Variants in C9orf57 observed in about 807,000 individuals in gnomAD.
C9orf57 encodes the protein uncharacterized protein C9orf57.
In C9orf57, 12 loss-of-function variants were observed where a neutral mutation model predicts 12.9. The ratio of observed to expected loss-of-function variants is 0.93; its 90% confidence interval spans 0.60 to 1.51. The LOEUF (loss-of-function observed/expected upper bound fraction) is 1.51, where lower values mean the gene tolerates loss of function less well. Ranked by LOEUF, C9orf57 falls within the 40% of genes most tolerant of loss-of-function variation. C9orf57 has a pLI of 0.00. For missense variants in C9orf57, 141 were observed against 162.8 expected (o/e 0.87, Z 0.73); for synonymous variants, 49 against 57.1 (o/e 0.86, Z 0.64).
intron 4 of C9orf57, among the ~76,000 whole-genome samples, chr9:72,053,119 C>G (rs553104121): frequency 6.6e-6 from 1 of 151,978 alleles, no homozygotes; most frequent in Non-Finnish European, 1.5e-5. Flanking sequence ...CGGGTAATAC[C>G]CAGAGACATT....
intron 4 of C9orf57, among the ~76,000 whole-genome samples, chr9:72,054,393 A>G (rs1157472662): frequency 2.0e-5 from 3 of 152,262 alleles, no homozygotes; most frequent in Admixed American, 6.5e-5. Flanking sequence ...TGCAGTAGAT[A>G]CCAAGAAATA....
chr9:72,055,102 A>G (rs1824162590), intron 4 of C9orf57, among the ~76,000 whole-genome samples: 1 of 137,546 alleles, frequency 7.3e-6, no homozygotes, highest in Non-Finnish European at 1.7e-5. Context: ...ATTTTTATAT[A>G]TATATATTTT....
At position 72,052,279 on chromosome 9, in the gene C9orf57, A is replaced by G. The variant is rs1361194724; in HGVS notation, c.*17T>C. 3.9e-6 allele frequency: 6 copies of G among 1,551,010 alleles called. No individual in the cohort carries two copies. Among genetic ancestry groups the G allele is most frequent in the East Asian group, 2.4e-5 (1 of 40,926 alleles). On this transcript the variant is annotated 3_prime_UTR_variant, in exon 5 of 5. Transcript: ENST00000651200. ...GACTGATTGATCTGCCAAGCATTTT[A>G]GATATGGGCCACTGACTCAGAAATT...
intron 2 of C9orf57, among the ~76,000 whole-genome samples, chr9:72,058,789 C>G (rs1427552831): frequency 6.6e-6 from 1 of 152,180 alleles, no homozygotes; most frequent in African/African-American, 2.4e-5. Flanking sequence ...TTTCCCCAGG[C>G]TCAACCTCAT....
chr9:72,055,548 C>A (rs1030008064), intron 4 of C9orf57, among the ~76,000 whole-genome samples: 1 of 151,982 alleles, frequency 6.6e-6, no homozygotes, highest in Non-Finnish European at 1.5e-5. Flanking sequence ...CCTGGCCTCC[C>A]CGGTAGCTGG....
chr9:72,059,473 A>G (rs1824282971), intron 1 of C9orf57, 89 bp from the exon 2 acceptor site: 1 of 1,391,238 alleles, frequency 7.2e-7, no homozygotes, highest in East Asian at 2.5e-5. Flanking sequence ...TTAAGACAAT[A>G]TAAATAAGTT....
chr9:72,053,717 GA>G (rs1824129229), intron 4 of C9orf57, among the ~76,000 whole-genome samples: 1 of 152,166 alleles, frequency 6.6e-6, no homozygotes, highest in Admixed American at 6.5e-5. Context: ...GTGACCCCAT[GA>G]TTCTCATCCT....
At chr9:72,055,501 T>C (rs1589299998) in intron 4 of C9orf57, among the ~76,000 whole-genome samples, 1 of 151,632 alleles carries the variant, frequency 6.6e-6, no homozygotes, top group East Asian at 1.9e-4. Context: ...CACAGCTCAC[T>C]GTGGCCTCAA....
chr9:72,052,601 GA>G (rs1824102688), intron 4 of C9orf57, among the ~76,000 whole-genome samples, 166 bp from the exon 5 acceptor site: 1 of 152,106 alleles, frequency 6.6e-6, no homozygotes, highest in African/African-American at 2.4e-5. Flanking sequence ...TTACCTTTAA[GA>G]ACTCCCACTT....
At chr9:72,053,558 A>G (rs1296641765) in intron 4 of C9orf57, among the ~76,000 whole-genome samples, 1 of 151,994 alleles carries the variant, frequency 6.6e-6, no homozygotes, top group African/African-American at 2.4e-5. Flanking sequence ...CCAACATCTC[A>G]TGGGCCCAGG....
At chr9:72,052,988 T>C (rs918328515) in intron 4 of C9orf57, among the ~76,000 whole-genome samples, 1 of 152,080 alleles carries the variant, frequency 6.6e-6, no homozygotes, top group Non-Finnish European at 1.5e-5. Context: ...CCAGTTTCAG[T>C]TGTAGGTAGG....
At chr9:72,059,201 T>C in intron 2 of C9orf57, 34 bp downstream of exon 2, 1 of 1,550,382 alleles carries the variant, frequency 6.5e-7, no homozygotes, top group Non-Finnish European at 8.7e-7. Context: ...AATAATTTTC[T>C]ATCCTTTTAA....
chr9:72,056,327 A>T, intron 3 of C9orf57, 131 bp from the exon 4 acceptor site: 2 of 362,240 alleles, frequency 5.5e-6, no homozygotes, highest in East Asian at 6.7e-5. Flanking sequence ...TTATATATAT[A>T]TTTTATGTTA....
chr9:72,052,522 G>C lies in C9orf57; in HGVS notation c.281-87C>G, dbSNP rs1824101472. On this transcript the variant is annotated intron_variant, in intron 4 of 4. Coordinates refer to ENST00000651200, the MANE Select transcript of C9orf57 (RefSeq NM_001128618.2). ...GCTAATAGGTTAAAAAGAATACTAA[G>C]CAAAACTTTAGTTTTATCAAGGTAC... 10 of 1,283,176 alleles carry C rather than the reference G, an allele frequency of 7.8e-6. No homozygotes were observed. In the Admixed American group the frequency reaches 8.2e-5, roughly 11 times the overall value. 79.5% of individuals were successfully genotyped at this position (1,283,176 alleles called of 1,614,324 possible).
Position 72,060,383 on chromosome 9 carries a change from A to C in C9orf57, c.-54+114T>G, listed in dbSNP as rs1250868817. The C allele has an allele frequency of 1.2e-5, 8 of 663,510 alleles. No homozygotes were observed. In the East Asian group the frequency reaches 2.2e-4, roughly 18 times the overall value. 41.1% of individuals were successfully genotyped at this position (663,510 alleles called of 1,614,324 possible). A position where few individuals can be genotyped will look rare whatever the true frequency, so the allele number is the denominator to read the frequency against. ...TAATACTTTCACTGCAAAAGACCTT[A>C]TTTATGAGGGAAAAGCATTATGTGA... On this transcript the variant is annotated intron_variant, in intron 1 of 4. Transcript: ENST00000651200.
intron 3 of C9orf57, 37 bp from the exon 4 acceptor site, chr9:72,056,233 A>G (rs776163846): frequency 6.5e-7 from 1 of 1,535,248 alleles, no homozygotes; most frequent in South Asian, 1.2e-5. Context: ...GAAAGTAGTG[A>G]TAGATACGAG....
In C9orf57 at chr9:72,052,229, T is replaced by C. The variant is rs1286063240; in HGVS notation, c.*67A>G. Reference sequence around the variant, plus strand: ...GGGCTAATTGACAATAGCCATCATTTTGTGATAGCCAGGTCAGGCTTCGAG... The same window carrying C: ...GGGCTAATTGACAATAGCCATCATTCTGTGATAGCCAGGTCAGGCTTCGAG... On this transcript the variant is annotated 3_prime_UTR_variant, in exon 5 of 5. Transcript: ENST00000651200. The C allele has an allele frequency of 6.6e-7, 1 of 1,509,512 alleles. No homozygotes were observed. Among genetic ancestry groups the C allele is most frequent in the African/African-American group, 1.4e-5 (1 of 72,142 alleles). 93.5% of individuals were successfully genotyped at this position (1,509,512 alleles called of 1,614,324 possible).
At position 72,056,211 on chromosome 9, in the gene C9orf57, G is replaced by T. The variant is rs774627303; in HGVS notation, c.158-15C>A. The T allele has an allele frequency of 1.9e-6, 3 of 1,542,042 alleles. No homozygotes were observed. Among genetic ancestry groups the T allele is most frequent in the South Asian group, 2.4e-5 (2 of 82,264 alleles). Reference sequence around the variant, plus strand: ...ACCTCCAACATCTCCAAGTACAGGGGCAGAAAAATGAGAAAGTAGTGATAG... The same window carrying T: ...ACCTCCAACATCTCCAAGTACAGGGTCAGAAAAATGAGAAAGTAGTGATAG... On this transcript the variant is annotated splice_polypyrimidine_tract_variant and intron_variant, in intron 3 of 4. Transcript: ENST00000651200.
chr9:72,059,222 C>T lies in C9orf57; in HGVS notation c.97+13G>A. The stretch of plus-strand genomic sequence containing the variant: ...TTTCTATCCTTTTAACTTATGCTTT[C>T]CTAATGACTTACCACCTAAGCGGCC... On this transcript the variant is annotated intron_variant, in intron 2 of 4. Transcript: ENST00000651200. 1 of 1,551,584 alleles carries T rather than the reference C, an allele frequency of 6.4e-7. No individual in the cohort carries two copies. Among genetic ancestry groups the T allele is most frequent in the Non-Finnish European group, 8.7e-7 (1 of 1,146,982 alleles).
Sources: gnomAD v4.1 joint callset for allele counts (sites outside exome capture counted in the v4.1 genomes callset) on GRCh38, gnomAD v4.1.1 for gene constraint, MANE v1.5 for transcripts, NCBI Gene and HGNC (gene_info 2026-07-23, HGNC 2026-07-21) for gene names.